MPPE1: variants seen among roughly 807,000 people sequenced by gnomAD.
MPPE1 encodes metallophosphoesterase 1, also known as metallo phosphoesterase.
Under a neutral mutation model 43.8 loss-of-function variants are expected in MPPE1, and 28 were observed. That is an observed-to-expected ratio of 0.64 (90% confidence interval 0.47 to 0.88). MPPE1 has a LOEUF of 0.88. MPPE1 is among the 40% of genes least tolerant of loss of function. The probability of loss-of-function intolerance (pLI) is 0.00; values close to 1 mark genes in which losing one functional copy is unlikely to be tolerated. For missense variants in MPPE1, 428 were observed against 492.2 expected (o/e 0.87, Z 1.23); for synonymous variants, 159 against 188.5 (o/e 0.84, Z 1.28).
chr18:11,884,382 T>C lies in MPPE1; in HGVS notation c.*63A>G. ...ATTGGTCTCATCATCCACTTGATTC[T>C]AACATGATCTCTGCCCAAAGTTCCA... On this transcript the variant is annotated 3_prime_UTR_variant, in exon 11 of 11. Transcript: ENST00000588072. The C allele has an allele frequency of 6.5e-7, 1 of 1,531,620 alleles. No homozygotes were observed. Among genetic ancestry groups the C allele is most frequent in the Non-Finnish European group, 9.0e-7 (1 of 1,116,122 alleles). 94.9% of individuals were successfully genotyped at this position (1,531,620 alleles called of 1,614,324 possible).
chr18:11,887,834 C>T (rs566983395), intron 6 of MPPE1, among the ~76,000 whole-genome samples: 1 of 152,302 alleles, frequency 6.6e-6, no homozygotes, highest in African/African-American at 2.4e-5. Flanking sequence ...CAAACTGTAT[C>T]ATGCTTCTAT....
chr18:11,892,366 A>AAAAAAG (rs1184354459), intron 4 of MPPE1, among the ~76,000 whole-genome samples: 4 of 146,132 alleles, frequency 2.7e-5, no homozygotes, highest in African/African-American at 2.6e-5. Context: ...AAAAAAAAAA[A>AAAAAAG]AAAAAGAAAA....
At chr18:11,903,863 C>T (rs2039443325) in intron 2 of MPPE1, among the ~76,000 whole-genome samples, 1 of 151,802 alleles carries the variant, frequency 6.6e-6, no homozygotes, top group South Asian at 2.1e-4. Context: ...CTTCACATTG[C>T]CCTCTTGGGT....
intron 2 of MPPE1, among the ~76,000 whole-genome samples, chr18:11,897,784 G>T (rs2038747590): frequency 6.6e-6 from 1 of 152,146 alleles, no homozygotes. Context: ...GTAATGTGTT[G>T]CTTTTGGTGT....
chr18:11,901,754 G>A (rs754306709), intron 2 of MPPE1, among the ~76,000 whole-genome samples: 6 of 152,004 alleles, frequency 3.9e-5, no homozygotes, highest in Non-Finnish European at 8.8e-5. Context: ...CAGGAGAATC[G>A]CTTGAATCCA....
At position 11,884,524 on chromosome 18, in the gene MPPE1, AG is replaced by A. The variant is rs2036883236; in HGVS notation, c.1111del (p.Leu371SerfsTer9). ...TAGAAGCCCAAAGTGAGTGAGTGTG[AG>A]GACCACAAGGAAGCCCACCACTCCA... ...YCGVVGFLVV[L>X]TLTHFGLLAS... On this transcript the variant is annotated frameshift_variant, in exon 11 of 11. Transcript: ENST00000588072. LOFTEE classifies it low-confidence loss of function (END_TRUNC). 1.2e-6 allele frequency: 2 copies of A among 1,614,144 alleles called. No homozygotes were observed.
chr18:11,884,271 T>C lies in MPPE1; in HGVS notation c.*174A>G, dbSNP rs996488366. 4.7e-6 allele frequency: 3 copies of C among 632,916 alleles called. No homozygotes were observed. Among genetic ancestry groups the C allele is most frequent in the African/African-American group, 1.8e-5 (1 of 54,898 alleles). The allele number at this position is 632,916 out of a possible 1,614,324, so 39.2% of individuals were successfully genotyped here. A position where few individuals can be genotyped will look rare whatever the true frequency, so the allele number is the denominator to read the frequency against. ...AGAGTACCTGTCCACTTTTATAGCA[T>C]GAGAACAGTACAATCAACTATTTAT... On this transcript the variant is annotated 3_prime_UTR_variant, in exon 11 of 11. Coordinates refer to ENST00000588072, the MANE Select transcript of MPPE1 (RefSeq NM_023075.6).
intron 3 of MPPE1, among the ~76,000 whole-genome samples, 171 bp from the exon 4 acceptor site, chr18:11,893,747 T>A (rs1218009068): frequency 6.6e-6 from 1 of 152,080 alleles, no homozygotes; most frequent in African/African-American, 2.4e-5. Flanking sequence ...CATATCTGAT[T>A]AAAGGTGGGG....
chr18:11,898,187 GC>G (rs2038790234), intron 2 of MPPE1, among the ~76,000 whole-genome samples: 1 of 152,144 alleles, frequency 6.6e-6, no homozygotes, highest in Admixed American at 6.6e-5. Flanking sequence ...TCATGCCTCG[GC>G]CTCCCAAGTA....
intron 2 of MPPE1, among the ~76,000 whole-genome samples, chr18:11,901,347 G>C (rs898017458): frequency 1.3e-5 from 2 of 151,714 alleles, no homozygotes; most frequent in African/African-American, 4.8e-5. Context: ...CCTCCTACCT[G>C]AGCCTCCCAA....
rs545208625 is a variant in MPPE1, at chr18:11,884,277, C to A, written c.*168G>T. 2.8e-5 allele frequency: 18 copies of A among 650,500 alleles called. No homozygotes were observed. Among genetic ancestry groups the A allele is most frequent in the Middle Eastern group, 4.3e-4 (1 of 2,320 alleles). 40.3% of individuals were successfully genotyped at this position (650,500 alleles called of 1,614,324 possible). A position where few individuals can be genotyped will look rare whatever the true frequency, so the allele number is the denominator to read the frequency against. ...CCTGTCCACTTTTATAGCATGAGAA[C>A]AGTACAATCAACTATTTATTTTGCA... On this transcript the variant is annotated 3_prime_UTR_variant, in exon 11 of 11. Coordinates refer to ENST00000588072, the MANE Select transcript of MPPE1 (RefSeq NM_023075.6).
chr18:11,889,884 T>A (rs1202940698), intron 4 of MPPE1, among the ~76,000 whole-genome samples: 1 of 150,972 alleles, frequency 6.6e-6, no homozygotes. Context: ...TGATCCCTAT[T>A]TTGATGTGAG....
rs201474415 is a variant in MPPE1 at position 11,888,728 on chromosome 18, T to C, written c.510A>G (p.Lys170=). 1.0e-4 allele frequency: 159 copies of C among 1,597,330 alleles called. No homozygotes were observed. In the South Asian group the frequency reaches 1.7e-3, roughly 17 times the overall value. ...IGFHYEMNTY[K]VERFEKVFSS... ...TGAACACTTTCTCAAAGCGTTCTAC[T>C]TTGTATGTGTTCATCCTATATTCAA... The change falls in exon 6 of 11, where the codon AAA becomes AAG. Residue 170 remains lysine (K), a synonymous_variant. Transcript: ENST00000588072.
Position 11,886,950 on chromosome 18 carries a change from A to C in MPPE1, c.645T>G (p.Ile215Met). The C allele has an allele frequency of 6.2e-7, 1 of 1,613,656 alleles. No homozygotes were observed. The highest frequency in any genetic ancestry group is 8.5e-7 in the Non-Finnish European group (1 of 1,179,800). ...AGCAGTTCAGTCTGTGAGAAACTTC[A>C]ATGAGCTCTGCTTCTGTTTCAGAGC... ...GICSETEAELIEVSHRLNCSR... is the reference protein window; with the variant it reads ...GICSETEAELMEVSHRLNCSR... Residue 215 changes from isoleucine to methionine, a missense_variant, in exon 7 of 11, where the codon ATT becomes ATG. This residue lies in a region of MPPE1 where 379 missense variants were observed against 402.5 expected (regional missense o/e 0.94). Coordinates refer to ENST00000588072, the MANE Select transcript of MPPE1 (RefSeq NM_023075.6). This position sits in a 1 kb window ranked among gnomAD's most constrained non-coding sequence, Gnocchi z 4.1.
chr18:11,899,786 T>A (rs1372565854), intron 2 of MPPE1, among the ~76,000 whole-genome samples: 1 of 152,204 alleles, frequency 6.6e-6, no homozygotes, highest in Admixed American at 6.5e-5. Flanking sequence ...GATGATTTTC[T>A]AACATGAATC....
In MPPE1 at chr18:11,889,505, A is replaced by G. The variant is rs750754324; in HGVS notation, c.391-15T>C. 15 of 1,588,798 alleles carry G rather than the reference A, an allele frequency of 9.4e-6. No homozygotes were observed. Among genetic ancestry groups the G allele is most frequent in the African/African-American group, 1.4e-5 (1 of 73,962 alleles). The stretch of plus-strand genomic sequence containing the variant: ...TCCGCCCAGGCCTGAGGGAAAAAGA[A>G]TCACTGCTGAGAGCCAGAGAACCAT... On this transcript the variant is annotated splice_polypyrimidine_tract_variant and intron_variant, in intron 4 of 10. Coordinates refer to ENST00000588072, the MANE Select transcript of MPPE1 (RefSeq NM_023075.6).
At chr18:11,903,581 C>G (rs980537889) in intron 2 of MPPE1, among the ~76,000 whole-genome samples, 1 of 152,040 alleles carries the variant, frequency 6.6e-6, no homozygotes, top group Admixed American at 6.5e-5. Flanking sequence ...CCGAGGCGGG[C>G]GGATCACAAG....
chr18:11,900,836 G>A (rs1205235765), intron 2 of MPPE1, among the ~76,000 whole-genome samples: 1 of 150,602 alleles, frequency 6.6e-6, no homozygotes, highest in African/African-American at 2.5e-5. Flanking sequence ...GAACCCAGGA[G>A]GCAAAGCCTG....
At chr18:11,895,015 C>T (rs1406759049) in intron 3 of MPPE1, among the ~76,000 whole-genome samples, 3 of 152,200 alleles carry the variant, frequency 2.0e-5, no homozygotes, top group Non-Finnish European at 4.4e-5. Context: ...TTTGCTCAGC[C>T]CTCCCCGTCT....
Sources: allele counts gnomAD v4.1 joint callset (sites outside exome capture counted in the v4.1 genomes callset), GRCh38; gene constraint gnomAD v4.1.1; regional missense constraint gnomAD v4.1.1; non-coding constraint Gnocchi (gnomAD v3.1); transcripts MANE v1.5; gene names NCBI Gene and HGNC (gene_info 2026-07-23, HGNC 2026-07-21).